The following AFF4 variants were observed in gnomAD, a reference collection of about 807,000 sequenced individuals.
AFF4 encodes the protein AF4/FMR2 family member 4.
AFF4 carries 13 observed loss-of-function variants against 124.8 expected under a neutral mutation model. The ratio of observed to expected loss-of-function variants is 0.10; its 90% CI spans 0.07 to 0.17. The LOEUF is 0.17. AFF4 is among the 10% of genes least tolerant of loss of function. The probability of loss-of-function intolerance (pLI) is 1.00; values close to 1 mark genes in which losing one functional copy is unlikely to be tolerated. For missense variants in AFF4, 1,092 were observed against 1,403.8 expected (o/e 0.78, Z 3.55); for synonymous variants, 477 against 496.1 (o/e 0.96, Z 0.51).
chr5:132,943,884 G>A (rs1303661490), intron 1 of AFF4: 3 of 204,136 alleles, frequency 1.5e-5, no homozygotes, highest in Non-Finnish European at 3.3e-5. Flanking sequence ...TGAAGGGAAA[G>A]ACGGATTGCC....
At chr5:132,960,277 T>C (rs868060313) in intron 1 of AFF4, among the ~76,000 whole-genome samples, 1 of 152,160 alleles carries the variant, frequency 6.6e-6, no homozygotes, top group Non-Finnish European at 1.5e-5. Flanking sequence ...TTATATCATA[T>C]AGAAAAGTCT....
intron 11 of AFF4, 60 bp from the exon 12 acceptor site, chr5:132,893,178 C>A: frequency 7.4e-7 from 1 of 1,350,786 alleles, no homozygotes; most frequent in South Asian, 1.2e-5. Flanking sequence ...GCTTCCAGCA[C>A]TAGCTACCCA....
At chr5:132,911,440 A>G (rs949120156) in intron 5 of AFF4, among the ~76,000 whole-genome samples, 135 of 152,314 alleles carry the variant, frequency 8.9e-4, no homozygotes, top group African/African-American at 3.1e-3. Context: ...TAACATAAAA[A>G]TATGTATTAA....
chr5:132,888,253 T>G lies in AFF4; in HGVS notation c.2733-93A>C, dbSNP rs542376992. The G allele has an allele frequency of 4.7e-4, 425 of 897,588 alleles. 1 individual carries two copies. The Middle Eastern group carries it at 5.0e-3, about 11-fold the overall frequency. The allele number at this position is 897,588 out of a possible 1,614,324, so 55.6% of individuals were successfully genotyped here. ...CTAGTATCCCTCAGTTTTTATGTCC[T>G]CAAGCAAAGAAAATGAGCTGTTACT... On this transcript the variant is annotated intron_variant, in intron 14 of 20. Transcript: ENST00000265343.
At chr5:132,933,051 G>A (rs959025612) in intron 3 of AFF4, among the ~76,000 whole-genome samples, 4 of 152,126 alleles carry the variant, frequency 2.6e-5, no homozygotes, top group Non-Finnish European at 5.9e-5. Flanking sequence ...GTAATTTTTT[G>A]GCTACTGACG....
chr5:132,944,247 G>A (rs1181785960), intron 1 of AFF4, among the ~76,000 whole-genome samples: 2 of 152,090 alleles, frequency 1.3e-5, no homozygotes, highest in Non-Finnish European at 2.9e-5. Context: ...TGAGGCAGGA[G>A]AATGGCGTGA....
In AFF4 at chr5:132,904,421, TA is replaced by T; in HGVS notation, c.1051-18del. The T allele has an allele frequency of 6.2e-7, 1 of 1,600,316 alleles. No individual in the cohort carries two copies. Among genetic ancestry groups the T allele is most frequent in the Non-Finnish European group, 8.5e-7 (1 of 1,173,462 alleles). On this transcript the variant is annotated intron_variant, in intron 5 of 20. Coordinates refer to ENST00000265343, the MANE Select transcript of AFF4 (RefSeq NM_014423.4). ...CTGAGACTCCTAAGAAAAAGGAACATAAAATTATACAAAGTTACACTAAAAA... is the reference window on the plus strand; with the variant it reads ...CTGAGACTCCTAAGAAAAAGGAACATAAATTATACAAAGTTACACTAAAAA...
chr5:132,931,988 A>T (rs796309936), intron 4 of AFF4, among the ~76,000 whole-genome samples, 190 bp downstream of exon 4: 13 of 152,276 alleles, frequency 8.5e-5, no homozygotes, highest in African/African-American at 3.1e-4. Context: ...ACAAAGAACA[A>T]AACTAGCTCT....
At chr5:132,955,427 G>C (rs112777205) in intron 1 of AFF4, among the ~76,000 whole-genome samples, 1 of 152,112 alleles carries the variant, frequency 6.6e-6, no homozygotes, top group East Asian at 1.9e-4. Flanking sequence ...TGATCTGATA[G>C]GAAGCAAAGC....
chr5:132,950,605 C>T (rs1321468593), intron 1 of AFF4, among the ~76,000 whole-genome samples: 4 of 151,820 alleles, frequency 2.6e-5, no homozygotes, highest in African/African-American at 4.8e-5. Flanking sequence ...GCCAAGATTG[C>T]GCCACTGCAC....
At chr5:132,905,745 C>A (rs1344372749) in intron 5 of AFF4, among the ~76,000 whole-genome samples, 1 of 152,112 alleles carries the variant, frequency 6.6e-6, no homozygotes, top group Admixed American at 6.5e-5. Flanking sequence ...AAACACAATG[C>A]CAAATCTAAA....
At chr5:132,946,228 A>G (rs1476953943) in intron 1 of AFF4, among the ~76,000 whole-genome samples, 2 of 152,210 alleles carry the variant, frequency 1.3e-5, no homozygotes, top group Admixed American at 1.3e-4. Flanking sequence ...GGGAATATGC[A>G]ATGGTGCAGC....
chr5:132,916,402 ATT>A (rs75713025), intron 5 of AFF4, among the ~76,000 whole-genome samples: 1 of 149,832 alleles, frequency 6.7e-6, no homozygotes. Flanking sequence ...GTTTCCATAA[ATT>A]TTTTTTTTTA....
chr5:132,954,910 C>G (rs112014800), intron 1 of AFF4, among the ~76,000 whole-genome samples: 1,539 of 152,262 alleles, frequency 0.01, 23 homozygotes, highest in African/African-American at 0.032. Flanking sequence ...ACTGGAAGGT[C>G]AGGGTGATAG....
At chr5:132,910,194 G>C (rs760988287) in intron 5 of AFF4, among the ~76,000 whole-genome samples, 1 of 152,148 alleles carries the variant, frequency 6.6e-6, no homozygotes. Flanking sequence ...AACAAAAGGA[G>C]TGACTGATGA....
In AFF4 at chr5:132,886,322, T is replaced by G. The variant is rs149046818; in HGVS notation, c.3087A>C (p.Thr1029=). ...TTTGCATACTTACCTTCAGGTGCTC[T>G]GTCAGTGTCTTTGAGTACTTCAGAG... ...ENALKYSKTL[T]EHLKNSYNNS... Residue 1029 remains threonine (T), a synonymous_variant, in exon 18 of 21, where the codon ACA becomes ACC. Transcript: ENST00000265343. 8.1e-6 allele frequency: 13 copies of G among 1,613,828 alleles called. No individual in the cohort carries two copies. The Middle Eastern group carries it at 4.9e-4, about 61-fold the overall frequency.
intron 5 of AFF4, among the ~76,000 whole-genome samples, chr5:132,917,705 C>CTTTTTTTTTTTT (rs58145774): frequency 8.1e-5 from 6 of 74,052 alleles, no homozygotes; most frequent in Non-Finnish European, 1.3e-4. Flanking sequence ...CTTTTCTTTT[C>CTTTTTTTTTTTT]TTTTTTTTTT....
intron 1 of AFF4, among the ~76,000 whole-genome samples, chr5:132,938,459 T>C (rs534214053): frequency 6.6e-6 from 1 of 151,610 alleles, no homozygotes; most frequent in South Asian, 2.1e-4. Context: ...AGAGACAGGA[T>C]TTCACCATGT....
At chr5:132,912,206 G>A (rs900326852) in intron 5 of AFF4, among the ~76,000 whole-genome samples, 3 of 151,120 alleles carry the variant, frequency 2.0e-5, no homozygotes, top group African/African-American at 4.9e-5. Flanking sequence ...TTAGCAGGGC[G>A]TGGTGGCAGG....
Sources: gnomAD v4.1 joint callset for allele counts (sites outside exome capture counted in the v4.1 genomes callset) on GRCh38, gnomAD v4.1.1 for gene constraint, MANE v1.5 for transcripts, NCBI Gene and HGNC (gene_info 2026-07-23, HGNC 2026-07-21) for gene names.